The following GNPTAB variants were observed in gnomAD, a reference collection of about 807,000 sequenced individuals.
GNPTAB encodes N-acetylglucosamine-1-phosphotransferase subunits alpha/beta.
A neutral mutation model predicts 136.6 loss-of-function variants in GNPTAB; 92 were observed. The ratio of observed to expected loss-of-function variants is 0.67; its 90% CI spans 0.57 to 0.80. The LOEUF is 0.80. Among genes scored for constraint, GNPTAB ranks in the 30% least tolerant of loss-of-function variants. The pLI, the probability that GNPTAB is intolerant of heterozygous loss-of-function variation, is 0.00. For missense variants in GNPTAB, 1,343 were observed against 1,501.8 expected (o/e 0.89, Z 1.75); for synonymous variants, 512 against 535.1 (o/e 0.96, Z 0.60).
rs758558970 is a variant in GNPTAB at position 101,764,632 on chromosome 12, A to G, written c.2285T>C (p.Leu762Ser). Residue 762 changes from leucine (L) to serine (S), a missense_variant, in exon 13 of 21, where the codon TTG becomes TCG. Physicochemically the swap from Leu to Ser is moderately radical, Grantham distance 145 (BLOSUM62 -2). Coordinates refer to ENST00000299314, the MANE Select transcript of GNPTAB (RefSeq NM_024312.5). ...AIITDETNDS[L>S]VAPQEKQVHK... ...AACCTGTTTTTCCTGTGGAGCCACC[A>G]AACTGTCATTTGTTTCATCTGTTAT... The G allele has an allele frequency of 6.2e-7, 1 of 1,614,100 alleles. No individual in the cohort carries two copies. The highest frequency in any genetic ancestry group is 1.7e-5 in the Admixed American group (1 of 59,984).
rs762291367 is a variant in GNPTAB at position 101,788,607 on chromosome 12, C to A, written c.324-18G>T. ...GGATTTCTCTAATAAAAAGCAAATA[C>A]AGTTTATTACATACATATGGGCTAC... On this transcript the variant is annotated intron_variant, in intron 3 of 20. Transcript: ENST00000299314. The A allele has an allele frequency of 1.5e-6, 2 of 1,350,908 alleles. No homozygotes were observed. The highest frequency in any genetic ancestry group is 1.7e-5 in the Admixed American group (1 of 59,644). The allele number at this position is 1,350,908 out of a possible 1,614,324, so 83.7% of individuals were successfully genotyped here.
intron 1 of GNPTAB, among the ~76,000 whole-genome samples, chr12:101,824,439 T>TTC (rs1870984608): frequency 1.4e-5 from 1 of 71,098 alleles, no homozygotes; most frequent in African/African-American, 4.8e-5. Context: ...TATATTTTCT[T>TTC]TTTTTTTTTT....
intron 4 of GNPTAB, among the ~76,000 whole-genome samples, chr12:101,786,982 C>G (rs1433299953): frequency 6.6e-6 from 1 of 152,194 alleles, no homozygotes; most frequent in Non-Finnish European, 1.5e-5. Flanking sequence ...GGTGTCACTC[C>G]AAACGACACC....
intron 10 of GNPTAB, among the ~76,000 whole-genome samples, chr12:101,768,841 C>A (rs1953131378): frequency 6.6e-6 from 1 of 152,202 alleles, no homozygotes; most frequent in Non-Finnish European, 1.5e-5. Context: ...CATGTCAATT[C>A]AGATGGGCTT....
chr12:101,826,034 G>A (rs1267644399), intron 1 of GNPTAB, among the ~76,000 whole-genome samples: 2 of 152,188 alleles, frequency 1.3e-5, no homozygotes, highest in African/African-American at 4.8e-5. Flanking sequence ...TCTGTTTAAT[G>A]AGTGAACTAA....
chr12:101,811,159 G>A (rs912506793), intron 1 of GNPTAB, among the ~76,000 whole-genome samples: 4 of 152,146 alleles, frequency 2.6e-5, no homozygotes, highest in African/African-American at 9.7e-5. Context: ...CATCCAGAGA[G>A]CAAGTAATTG....
At chr12:101,791,194 T>C (rs1868967584) in intron 2 of GNPTAB, among the ~76,000 whole-genome samples, 1 of 152,218 alleles carries the variant, frequency 6.6e-6, no homozygotes, top group Admixed American at 6.5e-5. Flanking sequence ...TGTTTAAGCC[T>C]CACCTTAGTG....
At chr12:101,787,288 T>C (rs1295814205) in intron 4 of GNPTAB, among the ~76,000 whole-genome samples, 2 of 152,208 alleles carry the variant, frequency 1.3e-5, no homozygotes, top group Admixed American at 6.5e-5. Context: ...TGGAATATTA[T>C]ACAACTATTA....
chr12:101,776,975 C>T (rs1332631146), intron 7 of GNPTAB, among the ~76,000 whole-genome samples: 2 of 152,214 alleles, frequency 1.3e-5, no homozygotes, highest in Non-Finnish European at 2.9e-5. Context: ...TGACATGCGA[C>T]GTACACCCCT....
rs370033001 is a variant in GNPTAB, at chr12:101,770,498, G to A, written c.1021C>T (p.Pro341Ser). The change falls in exon 9 of 21, where the codon CCA (proline) becomes TCA (serine). Residue 341 changes from proline to serine, a missense_variant. Coordinates refer to ENST00000299314, the MANE Select transcript of GNPTAB (RefSeq NM_024312.5). ...ACAATGAAAATATTCCGAACCCATGGTGCATGCCTCTCGATAGATCGCAAT... is the reference window on the plus strand; with the variant it reads ...ACAATGAAAATATTCCGAACCCATGATGCATGCCTCTCGATAGATCGCAAT... Reference protein sequence around the residue: ...YSLRSIERHAPWVRNIFIVTN... With the variant: ...YSLRSIERHASWVRNIFIVTN... The A allele has an allele frequency of 3.1e-6, 5 of 1,612,992 alleles. No individual in the cohort carries two copies. The highest frequency in any genetic ancestry group is 3.3e-5 in the Admixed American group (2 of 59,998).
At chr12:101,794,937 T>A (rs558159333) in intron 2 of GNPTAB, among the ~76,000 whole-genome samples, 11 of 152,210 alleles carry the variant, frequency 7.2e-5, no homozygotes, top group South Asian at 6.2e-4. Flanking sequence ...AAAATCAATT[T>A]AAAAATTTTT....
At chr12:101,771,226 A>G in intron 7 of GNPTAB, 69 bp from the exon 8 acceptor site, 1 of 1,216,098 alleles carries the variant, frequency 8.2e-7, no homozygotes, top group Admixed American at 1.9e-5. Context: ...TTAAATTCCC[A>G]CTCTGCTCTT....
At chr12:101,789,095 C>A (rs1868834323) in intron 3 of GNPTAB, among the ~76,000 whole-genome samples, 1 of 152,098 alleles carries the variant, frequency 6.6e-6, no homozygotes, top group African/African-American at 2.4e-5. Flanking sequence ...TTATATTTTT[C>A]AAGGGAAGAA....
chr12:101,824,432 A>ATATATATATATATATATATATAT (rs1188582277), intron 1 of GNPTAB, among the ~76,000 whole-genome samples: 2 of 50,882 alleles, frequency 3.9e-5, no homozygotes, highest in Non-Finnish European at 7.0e-5. Context: ...ATATATATAT[A>ATATATATATATATATATATATAT]TTTTCTTTTT....
At chr12:101,757,683 A>G (rs768947025) in intron 16 of GNPTAB, 26 bp from the exon 17 acceptor site, 14 of 1,122,240 alleles carry the variant, frequency 1.2e-5, no homozygotes, top group East Asian at 2.3e-5. Context: ...AGTAGATCAG[A>G]TATCACATCA....
At chr12:101,773,378 A>C (rs1448398642) in intron 7 of GNPTAB, 5 of 296,436 alleles carry the variant, frequency 1.7e-5, no homozygotes, top group Non-Finnish European at 3.3e-5. Flanking sequence ...CTGCTTATAC[A>C]TTTTCACGAA....
chr12:101,777,141 G>A (rs941056238), intron 7 of GNPTAB, among the ~76,000 whole-genome samples: 22 of 152,182 alleles, frequency 1.4e-4, no homozygotes, highest in African/African-American at 4.8e-4. Context: ...TGAATAGCTT[G>A]TAAGTCACCA....
chr12:101,816,694 G>C (rs1870524120), intron 1 of GNPTAB, among the ~76,000 whole-genome samples: 1 of 152,114 alleles, frequency 6.6e-6, no homozygotes, highest in Non-Finnish European at 1.5e-5. Flanking sequence ...CCACTACTGG[G>C]TATAAACCCA....
chr12:101,795,078 GA>G (rs1293080162), intron 2 of GNPTAB, among the ~76,000 whole-genome samples: 2 of 152,152 alleles, frequency 1.3e-5, no homozygotes, highest in African/African-American at 4.8e-5. Context: ...TTTCCTTAGG[GA>G]AATTAACTTG....
Sources: gnomAD v4.1 joint callset for allele counts (sites outside exome capture counted in the v4.1 genomes callset) on GRCh38, gnomAD v4.1.1 for gene constraint, MANE v1.5 for transcripts, NCBI Gene and HGNC (gene_info 2026-07-23, HGNC 2026-07-21) for gene names.